Variants in FBXL17 observed in about 807,000 individuals in gnomAD.
FBXL17 encodes F-box/LRR-repeat protein 17.
FBXL17 carries 22 observed loss-of-function variants against 66.2 expected under a neutral mutation model. The ratio of observed to expected loss-of-function variants is 0.33; its 90% CI spans 0.24 to 0.47. The LOEUF is 0.47. FBXL17 is among the 20% of genes least tolerant of loss of function. The pLI, the probability that FBXL17 is intolerant of heterozygous loss-of-function variation, is 1.00. For synonymous variants in FBXL17, 474 were observed against 400.5 expected, an observed-to-expected ratio of 1.18 and a Z score of -2.19; for missense variants, 878 against 948.2, an observed-to-expected ratio of 0.93 and a Z score of 0.97.
intron 6 of FBXL17, among the ~76,000 whole-genome samples, chr5:108,044,699 T>C (rs985968456): frequency 1.4e-4 from 22 of 152,216 alleles, no homozygotes; most frequent in African/African-American, 4.3e-4. Context: ...GAAAATATTG[T>C]CTAGAATTGG....
At position 108,131,671 on chromosome 5, in the gene FBXL17, CTGAT is replaced by C. The variant is rs200140397; in HGVS notation, c.1745+54442_1745+54445del. Among the ~76,000 whole-genome samples, 133 of 152,128 alleles carry C rather than the reference CTGAT, an allele frequency of 8.7e-4. 2 individuals carry two copies. The East Asian group carries it at 0.024, about 27-fold the overall frequency. On this transcript the variant is annotated intron_variant, in intron 6 of 8. Coordinates refer to ENST00000542267, the MANE Select transcript of FBXL17 (RefSeq NM_001163315.3). ...TTTGCTACAGAGGAAATTTCAAACA[CTGAT>C]TGATCAGTAAGAAAAAAATAATTAT...
chr5:108,153,631 T>G (rs1270776312), intron 6 of FBXL17, among the ~76,000 whole-genome samples: 1 of 152,174 alleles, frequency 6.6e-6, no homozygotes, highest in African/African-American at 2.4e-5. Flanking sequence ...GATCAGCACT[T>G]GGTCCATGGA....
intron 6 of FBXL17, among the ~76,000 whole-genome samples, chr5:108,184,187 G>A (rs530757996): frequency 2.9e-4 from 44 of 152,286 alleles, no homozygotes; most frequent in African/African-American, 9.9e-4. Flanking sequence ...TTGGGAGATC[G>A]AGGCGGCGGG....
chr5:108,202,172 G>A (rs1006689307), intron 5 of FBXL17, among the ~76,000 whole-genome samples: 2 of 152,108 alleles, frequency 1.3e-5, no homozygotes, highest in African/African-American at 2.4e-5. Context: ...TCAAAAGACA[G>A]ATGCCACAAA....
chr5:107,992,842 G>C (rs1753308936), intron 7 of FBXL17, among the ~76,000 whole-genome samples: 1 of 151,884 alleles, frequency 6.6e-6, no homozygotes. Flanking sequence ...TCATTTTGGT[G>C]GTTCATTTAA....
chr5:108,321,855 G>A (rs558698056), intron 4 of FBXL17, among the ~76,000 whole-genome samples: 4 of 151,982 alleles, frequency 2.6e-5, no homozygotes, highest in South Asian at 4.1e-4. Context: ...AAGTGCCTAG[G>A]AAGGTAGAAG....
At chr5:108,191,709 C>T (rs886421240) in intron 5 of FBXL17, among the ~76,000 whole-genome samples, 1 of 152,192 alleles carries the variant, frequency 6.6e-6, no homozygotes, top group African/African-American at 2.4e-5. Context: ...TCCAGGCCTA[C>T]TCCTCACAAT....
intron 7 of FBXL17, among the ~76,000 whole-genome samples, chr5:107,886,019 A>G (rs888543019): frequency 1.4e-4 from 22 of 152,192 alleles, no homozygotes; most frequent in Admixed American, 1.4e-3. Flanking sequence ...AAACAGCATA[A>G]CCCAGATGAA....
At chr5:108,339,683 A>C (rs1746750556) in intron 4 of FBXL17, among the ~76,000 whole-genome samples, 1 of 152,208 alleles carries the variant, frequency 6.6e-6, no homozygotes. Flanking sequence ...TTTTAAATCC[A>C]AAAGAAGCAT....
At chr5:108,140,111 T>C (rs1751294637) in intron 6 of FBXL17, among the ~76,000 whole-genome samples, 1 of 152,164 alleles carries the variant, frequency 6.6e-6, no homozygotes, top group Non-Finnish European at 1.5e-5. Context: ...AGTAGAGTCA[T>C]CTCAGCTCAC....
chr5:108,112,727 C>T (rs1750087051), intron 6 of FBXL17, among the ~76,000 whole-genome samples: 1 of 148,866 alleles, frequency 6.7e-6, no homozygotes. Context: ...AATGCATGAA[C>T]ATGATCAAGA....
chr5:107,985,221 A>C (rs1348320394), intron 7 of FBXL17, among the ~76,000 whole-genome samples: 1 of 152,228 alleles, frequency 6.6e-6, no homozygotes, highest in African/African-American at 2.4e-5. Flanking sequence ...GATGACAGAT[A>C]AACTCCTGTG....
chr5:107,966,189 T>C (rs934068961), intron 7 of FBXL17, among the ~76,000 whole-genome samples: 3 of 152,130 alleles, frequency 2.0e-5, no homozygotes, highest in African/African-American at 7.2e-5. Context: ...TTGCAAGCCA[T>C]TGCGTTGGCT....
At chr5:108,217,777 C>G (rs1397841225) in intron 5 of FBXL17, among the ~76,000 whole-genome samples, 2 of 151,920 alleles carry the variant, frequency 1.3e-5, no homozygotes, top group African/African-American at 4.8e-5. Flanking sequence ...CTCCTCAATC[C>G]TTTCCCTCCC....
intron 4 of FBXL17, among the ~76,000 whole-genome samples, chr5:108,239,256 G>T (rs1340073991): frequency 6.6e-6 from 1 of 152,174 alleles, no homozygotes; most frequent in Non-Finnish European, 1.5e-5. Context: ...TCAGGTGAGT[G>T]ATCACAGTAT....
At chr5:107,936,159 TTC>T (rs1750903032) in intron 7 of FBXL17, among the ~76,000 whole-genome samples, 1 of 28,710 alleles carries the variant, frequency 3.5e-5, no homozygotes, top group African/African-American at 3.2e-4. Context: ...TATTGATAGT[TTC>T]TTTTAGTTTG....
intron 7 of FBXL17, among the ~76,000 whole-genome samples, chr5:107,981,666 A>G (rs1426322463): frequency 2.0e-5 from 3 of 152,358 alleles, no homozygotes; most frequent in African/African-American, 7.2e-5. Context: ...TGGCTTTCGC[A>G]GTTTCTGTTT....
chr5:107,871,069 A>AAAAAC (rs1554080843), intron 8 of FBXL17, among the ~76,000 whole-genome samples: 1 of 130,174 alleles, frequency 7.7e-6, no homozygotes, highest in Non-Finnish European at 1.6e-5. Flanking sequence ...AAAAAAAAAA[A>AAAAAC]AAAAAAAAAA....
chr5:108,377,688 G>C (rs1443245514), intron 1 of FBXL17, among the ~76,000 whole-genome samples: 1 of 152,216 alleles, frequency 6.6e-6, no homozygotes, highest in Non-Finnish European at 1.5e-5. Flanking sequence ...TTTTATACTT[G>C]TGTGTGGAAA....
Sources: allele counts gnomAD v4.1 joint callset (sites outside exome capture counted in the v4.1 genomes callset), GRCh38; gene constraint gnomAD v4.1.1; transcripts MANE v1.5; gene names NCBI Gene and HGNC (gene_info 2026-07-23, HGNC 2026-07-21).